The following KCNA3 variants were observed in gnomAD, a reference collection of about 807,000 sequenced individuals.
KCNA3 encodes the protein RP11-284N8.3.
In KCNA3, 18 loss-of-function variants were observed where a neutral mutation model predicts 34.3. That is an observed-to-expected ratio of 0.52 (90% CI 0.36 to 0.78). KCNA3 has a LOEUF of 0.78. KCNA3 is among the 30% of genes least tolerant of loss of function. The pLI, the probability that KCNA3 is intolerant of heterozygous loss-of-function variation, is 0.00. For synonymous variants in KCNA3, 324 were observed against 351.7 expected (o/e 0.92, Z 0.88); for missense variants, 587 against 802.5 (o/e 0.73, Z 3.24).
chr1:110,674,605 C>T lies in KCNA3; in HGVS notation c.205G>A (p.Gly69Ser), dbSNP rs1652017445. Residue 69 changes from glycine to serine, a missense_variant, in exon 1 of 1, where the codon GGT becomes AGT. Physicochemically the swap from Gly to Ser is moderately conservative, Grantham distance 56. This residue lies in a region of KCNA3 where 341 missense variants were observed against 355.4 expected (regional missense o/e 0.96). Coordinates refer to ENST00000369769, the MANE Select transcript of KCNA3 (RefSeq NM_002232.5). The surrounding 1 kb of genome is among the most constrained non-coding windows in gnomAD (Gnocchi z 6.4). ...DHLLEPEVADGGGAPPQGGCG... is the reference protein window; with the variant it reads ...DHLLEPEVADSGGAPPQGGCG... ...CCGCCTTGAGGCGGGGCCCCTCCAC[C>T]ATCGGCCACCTCCGGCTCCAGCAGG... The T allele has an allele frequency of 2.6e-6, 4 of 1,564,510 alleles. No homozygotes were observed. The highest frequency in any genetic ancestry group is 2.8e-5 in the African/African-American group (2 of 71,280).
At chr1:110,658,414 T>C in the KCNA3 span, among the ~76,000 whole-genome samples, 1 of 152,200 alleles carries the variant, frequency 6.6e-6, no homozygotes, top group African/African-American at 2.4e-5. Flanking sequence ...GAAACTAAAA[T>C]ATGGAAATAA....
chr1:110,663,213 T>A, the KCNA3 span, among the ~76,000 whole-genome samples: 1 of 152,104 alleles, frequency 6.6e-6, no homozygotes, highest in Non-Finnish European at 1.5e-5. Flanking sequence ...ATAAACAATG[T>A]CACAATCCTT....
the KCNA3 span, chr1:110,655,528 C>T: frequency 6.6e-5 from 10 of 152,046 alleles, no homozygotes; most frequent in East Asian, 3.8e-4. Context: ...AAAAAATGGA[C>T]GAAATCACTT....
downstream of KCNA3, among the ~76,000 whole-genome samples, chr1:110,668,444 T>G (rs1651765335): frequency 6.6e-6 from 1 of 152,172 alleles, no homozygotes; most frequent in East Asian, 1.9e-4. Context: ...TACATTGTCT[T>G]TATATACTAT....
downstream of KCNA3, among the ~76,000 whole-genome samples, chr1:110,668,008 T>C (rs1359847156): frequency 6.6e-6 from 1 of 152,158 alleles, no homozygotes. Context: ...TGATGTACTT[T>C]CTCTCAAAGG....
chr1:110,655,293 C>T, the KCNA3 span: 1 of 151,988 alleles, frequency 6.6e-6, no homozygotes, highest in African/African-American at 2.4e-5. Context: ...TATAGTCATA[C>T]AATTTTATGG....
chr1:110,668,297 G>T (rs1651760337), downstream of KCNA3, among the ~76,000 whole-genome samples: 1 of 152,012 alleles, frequency 6.6e-6, no homozygotes. Context: ...TAGTGGGAAG[G>T]GTTATCACTT....
rs1258043461 is a variant in KCNA3, at chr1:110,673,264, G to A, written c.1546C>T (p.Arg516Ter). 2 of 1,613,728 alleles carry A rather than the reference G, an allele frequency of 1.2e-6. No individual in the cohort carries two copies. Among genetic ancestry groups the A allele is most frequent in the Non-Finnish European group, 1.7e-6 (2 of 1,179,972 alleles). ...QHLSSSAEELRKARSNSTLSK... is the reference protein window; with the variant it reads ...QHLSSSAEEL The stretch of plus-strand genomic sequence containing the variant: ...AGAGTCGAGTTACTCCTTGCTTTTC[G>A]GAGCTCCTCGGCTGAAGAGGAGAGG... Residue 516 changes from arginine (R) to a stop codon, truncating the protein, a stop_gained, in exon 1 of 1, where the codon CGA becomes TGA. Transcript: ENST00000369769. LOFTEE classifies it high-confidence loss of function. The surrounding 1 kb of genome is among the most constrained non-coding windows in gnomAD (Gnocchi z 8.8).
the KCNA3 span, among the ~76,000 whole-genome samples, chr1:110,657,245 C>T: frequency 1.3e-5 from 2 of 152,054 alleles, no homozygotes; most frequent in African/African-American, 2.4e-5. Flanking sequence ...TGGGGTTTCA[C>T]TATGTTGGCC....
rs1007298126 is a variant in KCNA3 at position 110,674,551 on chromosome 1, C to G, written c.259G>C (p.Glu87Gln). ...GCCGGCAGTGAGGGCGGCAGCGGCT[C>G]GTAGCGGTCGCAGCCGCCGCCGCCA... ...GCGGGGCDRY[E>Q]PLPPSLPAAG... Residue 87 changes from glutamate to glutamine, a missense_variant, in exon 1 of 1, where the codon GAG becomes CAG. By Grantham distance (29) the Glu-to-Gln change is conservative. Coordinates refer to ENST00000369769, the MANE Select transcript of KCNA3 (RefSeq NM_002232.5). The surrounding 1 kb of genome is among the most constrained non-coding windows in gnomAD (Gnocchi z 6.4). The G allele has an allele frequency of 1.3e-6, 2 of 1,581,950 alleles. No individual in the cohort carries two copies. The highest frequency in any genetic ancestry group is 1.7e-6 in the Non-Finnish European group (2 of 1,167,200).
At chr1:110,654,962 C>A in the KCNA3 span, 2 of 151,946 alleles carry the variant, frequency 1.3e-5, no homozygotes, top group African/African-American at 4.8e-5. Context: ...ATGATCTTTG[C>A]AAGTATGATG....
In KCNA3 at chr1:110,674,855, C is replaced by A; in HGVS notation, c.-46G>T. 1 of 1,281,542 alleles carries A rather than the reference C, an allele frequency of 7.8e-7. No individual in the cohort carries two copies. Among genetic ancestry groups the A allele is most frequent in the South Asian group, 2.7e-5 (1 of 37,364 alleles). The allele number at this position is 1,281,542 out of a possible 1,614,324, so 79.4% of individuals were successfully genotyped here. On this transcript the variant is annotated 5_prime_UTR_variant, in exon 1 of 1. Coordinates refer to ENST00000369769, the MANE Select transcript of KCNA3 (RefSeq NM_002232.5). The surrounding 1 kb of genome is among the most constrained non-coding windows in gnomAD (Gnocchi z 6.4). ...GCGGTGAGGCCAGGTCGCTCCTCCT[C>A]GCGCTCCCCGCCCTTTCGCCGCCTC... is the stretch of plus-strand genomic sequence containing the variant.
chr1:110,660,989 T>G, the KCNA3 span, among the ~76,000 whole-genome samples: 1 of 152,196 alleles, frequency 6.6e-6, no homozygotes, highest in Non-Finnish European at 1.5e-5. Flanking sequence ...ATATAAAAAT[T>G]AGATTTATGT....
At chr1:110,655,872 G>A in the KCNA3 span, 9 of 151,868 alleles carry the variant, frequency 5.9e-5, no homozygotes, top group Admixed American at 3.9e-4. Flanking sequence ...AGGTATAGTC[G>A]CCTCTTATCT....
At chr1:110,656,497 G>A in the KCNA3 span, 1 of 152,136 alleles carries the variant, frequency 6.6e-6, no homozygotes, top group East Asian at 1.9e-4. Flanking sequence ...TCTCAGAGAT[G>A]AGACATACAG....
the KCNA3 span, chr1:110,656,473 AAAC>A: frequency 6.9e-4 from 105 of 152,372 alleles, no homozygotes; most frequent in African/African-American, 2.5e-3. Context: ...AACAATGTGA[AAAC>A]ATTATAGAAT....
rs1651944679 is a variant in KCNA3 at position 110,673,035 on chromosome 1, G to A, written c.*47C>T. 20 of 1,538,512 alleles carry A rather than the reference G, an allele frequency of 1.3e-5. 1 individual carries two copies. The East Asian group carries it at 4.5e-4, about 35-fold the overall frequency. ...ACAAGGGCATAGGCAGACCAAGGGG[G>A]CACGTTCCACACAATACTGAGCACA... On this transcript the variant is annotated 3_prime_UTR_variant, in exon 1 of 1. Coordinates refer to ENST00000369769, the MANE Select transcript of KCNA3 (RefSeq NM_002232.5). The surrounding 1 kb of genome is among the most constrained non-coding windows in gnomAD (Gnocchi z 8.8).
chr1:110,658,648 A>G, the KCNA3 span, among the ~76,000 whole-genome samples: 1 of 152,168 alleles, frequency 6.6e-6, no homozygotes, highest in African/African-American at 2.4e-5. Flanking sequence ...AAGAATATAA[A>G]AATAGAAAAT....
At chr1:110,662,112 C>CAAAAAA in the KCNA3 span, among the ~76,000 whole-genome samples, 3 of 61,718 alleles carry the variant, frequency 4.9e-5, no homozygotes, top group East Asian at 5.4e-4. Context: ...GACTCCGTCT[C>CAAAAAA]AAAAAAAAAA....
Sources: gnomAD v4.1 joint callset for allele counts (sites outside exome capture counted in the v4.1 genomes callset) on GRCh38, gnomAD v4.1.1 for gene constraint, gnomAD v4.1.1 regional missense constraint, Gnocchi (gnomAD v3.1) non-coding constraint, MANE v1.5 for transcripts, NCBI Gene and HGNC (gene_info 2026-07-23, HGNC 2026-07-21) for gene names.